Variants in SLC39A11 observed in about 807,000 individuals in gnomAD.
SLC39A11 encodes the protein zinc transporter ZIP11.
In SLC39A11, 33 loss-of-function variants were observed where a neutral mutation model predicts 36.1. The observed-to-expected ratio is 0.91, with a 90% confidence interval of 0.69 to 1.22. SLC39A11 has a LOEUF of 1.22. Ranked by LOEUF, SLC39A11 falls within the 50% of genes most tolerant of loss-of-function variation. The pLI, the probability that SLC39A11 is intolerant of heterozygous loss-of-function variation, is 0.00. For synonymous variants in SLC39A11, 166 were observed against 170.3 expected (o/e 0.97, Z 0.20); for missense variants, 432 against 430.3 (o/e 1.00, Z -0.03).
At chr17:72,719,962 A>C (rs556130063) in intron 7 of SLC39A11, among the ~76,000 whole-genome samples, 1 of 152,218 alleles carries the variant, frequency 6.6e-6, no homozygotes, top group Non-Finnish European at 1.5e-5. Context: ...GTGTGGTTAG[A>C]TGGAAGGGGC....
At chr17:72,920,374 C>T (rs2083588668) in intron 5 of SLC39A11, among the ~76,000 whole-genome samples, 1 of 151,288 alleles carries the variant, frequency 6.6e-6, no homozygotes, top group African/African-American at 2.4e-5. Context: ...GCTTGGGCAA[C>T]CCCTCTTTCT....
Position 72,649,245 on chromosome 17 carries a change from A to T in SLC39A11, c.695T>A (p.Ile232Asn), listed in dbSNP as rs2143833777. Residue 232 changes from isoleucine to asparagine, a missense_variant, in exon 8 of 10, where the codon ATC (isoleucine) becomes AAC (asparagine). Transcript: ENST00000255559. Reference sequence around the variant, plus strand: ...AGCCAGGCCCTCGGGGAAATTCTGGATCCCGATTCCAATGGCCAAATTCCT... The same window carrying T: ...AGCCAGGCCCTCGGGGAAATTCTGGTTCCCGATTCCAATGGCCAAATTCCT... ...SARNLAIGIGIQNFPEGLAVS... is the reference protein window; with the variant it reads ...SARNLAIGIGNQNFPEGLAVS... The T allele has an allele frequency of 6.2e-7, 1 of 1,614,222 alleles. No homozygotes were observed. The highest frequency in any genetic ancestry group is 2.2e-5 in the East Asian group (1 of 44,884).
rs1449868201 is a variant in SLC39A11, at chr17:73,007,647, T to C, written c.306+23909A>G. On this transcript the variant is annotated intron_variant, in intron 4 of 9. Transcript: ENST00000255559. ...AGGAGCTGGTGGGTGGTTTGGGTGG[T>C]GGAGGACTGGCCTGAGCCCAAGCTA... Among the ~76,000 whole-genome samples the C allele has an allele frequency of 4.6e-5, 7 of 151,204 alleles. No homozygotes were observed. In the East Asian group the frequency reaches 1.2e-3, roughly 25 times the overall value.
intron 4 of SLC39A11, among the ~76,000 whole-genome samples, chr17:73,004,140 G>GAAGAAAGAAAGAAAGA (rs1229461006): frequency 4.7e-5 from 5 of 105,346 alleles, no homozygotes; most frequent in South Asian, 3.0e-4. Flanking sequence ...GGAAAGAAAG[G>GAAGAAAGAAAGAAAGA]AAGAAAGAAA....
intron 5 of SLC39A11, among the ~76,000 whole-genome samples, chr17:72,923,473 G>C (rs1316593290): frequency 1.3e-5 from 2 of 152,206 alleles, no homozygotes; most frequent in Non-Finnish European, 2.9e-5. Flanking sequence ...AGTGGGATAT[G>C]CCATAACAGA....
At chr17:72,668,390 A>G (rs2031716331) in intron 7 of SLC39A11, among the ~76,000 whole-genome samples, 1 of 151,992 alleles carries the variant, frequency 6.6e-6, no homozygotes, top group African/African-American at 2.4e-5. Context: ...CCAAGGTGCC[A>G]AACTCCGGTC....
In SLC39A11 at chr17:72,709,937, G is replaced by T. The variant is rs563431063; in HGVS notation, c.671+26713C>A. Among the ~76,000 whole-genome samples, 10 of 152,270 alleles carry T rather than the reference G, an allele frequency of 6.6e-5. 1 individual carries two copies. The South Asian group carries it at 2.1e-3, about 32-fold the overall frequency. On this transcript the variant is annotated intron_variant, in intron 7 of 9. Transcript: ENST00000255559. ...TGATTTCTTTTGAGCTGCATCCTCA[G>T]ATTATTTTCCCCTCAGGTTCCAGAG... is the stretch of plus-strand genomic sequence containing the variant.
chr17:72,662,676 A>AAG (rs2070517914), intron 7 of SLC39A11, among the ~76,000 whole-genome samples: 1 of 150,722 alleles, frequency 6.6e-6, no homozygotes, highest in Non-Finnish European at 1.5e-5. Context: ...AGGAAGGAAA[A>AAG]GAAGGAAAAG....
At chr17:72,705,997 C>A (rs1338318244) in intron 7 of SLC39A11, among the ~76,000 whole-genome samples, 1 of 152,194 alleles carries the variant, frequency 6.6e-6, no homozygotes, top group African/African-American at 2.4e-5. Flanking sequence ...CAGCTATTTT[C>A]TGGTCCCCAG....
In SLC39A11 at chr17:72,812,693, C is replaced by G. The variant is rs1456330163; in HGVS notation, c.601+36941G>C. Among the ~76,000 whole-genome samples the G allele has an allele frequency of 3.9e-5, 6 of 152,134 alleles. No individual in the cohort carries two copies. In the East Asian group the frequency reaches 1.2e-3, roughly 29 times the overall value. On this transcript the variant is annotated intron_variant, in intron 6 of 9. Coordinates refer to ENST00000255559, the MANE Select transcript of SLC39A11 (RefSeq NM_139177.4). Reference sequence around the variant, plus strand: ...TAAACTGAATAATTTCCAAAGTCGTCTTTTTACGGTGAACTTTAACATTCT... The same window carrying G: ...TAAACTGAATAATTTCCAAAGTCGTGTTTTTACGGTGAACTTTAACATTCT...
At chr17:73,017,540 C>G (rs1327521911) in intron 4 of SLC39A11, among the ~76,000 whole-genome samples, 1 of 152,010 alleles carries the variant, frequency 6.6e-6, no homozygotes, top group Non-Finnish European at 1.5e-5. Context: ...TGGTGAAACC[C>G]CCATCTCTAC....
intron 5 of SLC39A11, among the ~76,000 whole-genome samples, chr17:72,875,271 G>A (rs1460734360): frequency 2.0e-5 from 3 of 152,174 alleles, no homozygotes; most frequent in African/African-American, 7.2e-5. Flanking sequence ...TTGCCAGCAA[G>A]GCTAAGGGTA....
chr17:72,973,767 C>T (rs117485223), intron 4 of SLC39A11, among the ~76,000 whole-genome samples: 2 of 152,104 alleles, frequency 1.3e-5, no homozygotes, highest in East Asian at 3.9e-4. Flanking sequence ...CACCATGTTG[C>T]CTAAGCTGGT....
At position 73,035,850 on chromosome 17, in the gene SLC39A11, C is replaced by T. The variant is rs1044551580; in HGVS notation, c.148-4136G>A. Among the ~76,000 whole-genome samples, 4 of 109,532 alleles carry T rather than the reference C, an allele frequency of 3.7e-5. No individual in the cohort carries two copies. In the East Asian group the frequency reaches 8.2e-4, roughly 23 times the overall value. 71.9% of individuals were successfully genotyped at this position (109,532 alleles called of 152,430 possible). A position where few individuals can be genotyped will look rare whatever the true frequency, so the allele number is the denominator to read the frequency against. On this transcript the variant is annotated intron_variant, in intron 3 of 9. Transcript: ENST00000255559. ...CTGCACTCCAGCCTGGGTGACAGAG[C>T]GACACTCCATCTCAAAAAAAAAAAA...
chr17:72,655,498 T>G (rs1266727282), intron 7 of SLC39A11, among the ~76,000 whole-genome samples: 1 of 152,180 alleles, frequency 6.6e-6, no homozygotes, highest in Non-Finnish European at 1.5e-5. Flanking sequence ...GCCCCCTGTG[T>G]GCAGATTTTA....
intron 3 of SLC39A11, among the ~76,000 whole-genome samples, chr17:73,081,626 TATACATAC>T (rs1236635843): frequency 1.4e-4 from 15 of 108,436 alleles, no homozygotes; most frequent in East Asian, 5.4e-4. Context: ...TATATATATA[TATACATAC>T]ACACACACAC....
At chr17:72,853,386 C>G (rs746257373) in intron 5 of SLC39A11, among the ~76,000 whole-genome samples, 5 of 151,936 alleles carry the variant, frequency 3.3e-5, no homozygotes, top group African/African-American at 7.3e-5. Context: ...CAAATTCCCT[C>G]AAATCTAAGG....
intron 7 of SLC39A11, among the ~76,000 whole-genome samples, chr17:72,661,339 G>A (rs1429537560): frequency 2.0e-5 from 3 of 152,188 alleles, no homozygotes; most frequent in African/African-American, 7.2e-5. Flanking sequence ...TCTCAGGAGA[G>A]GTAGTGGAGA....
At chr17:72,877,397 C>T (rs1420809533) in intron 5 of SLC39A11, among the ~76,000 whole-genome samples, 1 of 152,196 alleles carries the variant, frequency 6.6e-6, no homozygotes, top group African/African-American at 2.4e-5. Flanking sequence ...ATTTTCCTGA[C>T]TCCTTTGAAG....
Sources: gnomAD v4.1 joint callset for allele counts (sites outside exome capture counted in the v4.1 genomes callset) on GRCh38, gnomAD v4.1.1 for gene constraint, MANE v1.5 for transcripts, NCBI Gene and HGNC (gene_info 2026-07-23, HGNC 2026-07-21) for gene names.